GLIS1: variants seen among roughly 807,000 people sequenced by gnomAD.
GLIS1 encodes the protein zinc finger protein GLIS1.
A neutral mutation model predicts 63.8 loss-of-function variants in GLIS1; 24 were observed. The observed-to-expected ratio is 0.38, with a 90% CI of 0.27 to 0.53. The LOEUF (loss-of-function observed/expected upper bound fraction) is 0.53, where lower values mean the gene tolerates loss of function less well. Among genes scored for constraint, GLIS1 ranks in the 20% least tolerant of loss-of-function variants. GLIS1 has a pLI of 0.85. For missense variants in GLIS1, 1,036 were observed against 1,074.1 expected, an observed-to-expected ratio of 0.96 and a Z score of 0.50; for synonymous variants, 450 against 482.5, an observed-to-expected ratio of 0.93 and a Z score of 0.88.
chr1:53,586,680 G>A (rs1645138824), intron 4 of GLIS1, among the ~76,000 whole-genome samples: 1 of 152,156 alleles, frequency 6.6e-6, no homozygotes, highest in Non-Finnish European at 1.5e-5. Context: ...CTGAGGGGTG[G>A]CAAAGCTAGG....
chr1:53,700,077 ACT>A (rs1646506779), intron 2 of GLIS1, among the ~76,000 whole-genome samples: 2 of 152,120 alleles, frequency 1.3e-5, no homozygotes, highest in South Asian at 4.2e-4. Flanking sequence ...AGCTGGGATG[ACT>A]CTATCAGGGG....
intron 2 of GLIS1, among the ~76,000 whole-genome samples, chr1:53,644,802 T>G (rs2100302461): frequency 1.3e-5 from 2 of 152,332 alleles, no homozygotes; most frequent in South Asian, 4.1e-4. Context: ...AATTGCATCC[T>G]GAGTGCCACA....
chr1:53,707,563 T>A (rs187407750), intron 2 of GLIS1, among the ~76,000 whole-genome samples: 2 of 151,756 alleles, frequency 1.3e-5, no homozygotes, highest in African/African-American at 4.8e-5. Context: ...GGCAGGAGAA[T>A]CACTTGAACC....
chr1:53,725,898 A>C (rs765542029), intron 2 of GLIS1, among the ~76,000 whole-genome samples: 1 of 152,144 alleles, frequency 6.6e-6, no homozygotes, highest in Non-Finnish European at 1.5e-5. Context: ...AGAACTTCCC[A>C]AGAAGCCCCA....
chr1:53,506,484 G>T lies in GLIS1; in HGVS notation c.*135C>A. 1 of 923,154 alleles carries T rather than the reference G, an allele frequency of 1.1e-6. No individual in the cohort carries two copies. Among genetic ancestry groups the T allele is most frequent in the Non-Finnish European group, 1.6e-6 (1 of 616,166 alleles). The allele number at this position is 923,154 out of a possible 1,614,324, so 57.2% of individuals were successfully genotyped here. A position where few individuals can be genotyped will look rare whatever the true frequency, so the allele number is the denominator to read the frequency against. ...AGCGCTGGGTGGGGTGGCAGCGCTGGCTCCCCTGGGTCATGGCCTGGCTGT... is the reference window on the plus strand; with the variant it reads ...AGCGCTGGGTGGGGTGGCAGCGCTGTCTCCCCTGGGTCATGGCCTGGCTGT... On this transcript the variant is annotated 3_prime_UTR_variant, in exon 11 of 11. Transcript: ENST00000628545.
At chr1:53,631,151 GT>G (rs773311288) in intron 2 of GLIS1, among the ~76,000 whole-genome samples, 2 of 152,120 alleles carry the variant, frequency 1.3e-5, no homozygotes, top group Non-Finnish European at 2.9e-5. Flanking sequence ...AATCTAACGG[GT>G]TTTTTTAGTT....
Position 53,541,550 on chromosome 1 carries a change from G to C in GLIS1, c.1321-11598C>G, listed in dbSNP as rs964130536. Among the ~76,000 whole-genome samples the C allele has an allele frequency of 3.3e-5, 5 of 152,390 alleles. 1 individual carries two copies. The highest frequency in any genetic ancestry group is 4.4e-5 in the Non-Finnish European group (3 of 68,040). ...TCACAGTGGGCACTTAGTAAAGGTA[G>C]ATGGATAAAAACAGTGATGGCCTAG... On this transcript the variant is annotated intron_variant, in intron 4 of 10. Transcript: ENST00000628545.
At chr1:53,657,609 G>T (rs1450695963) in intron 2 of GLIS1, among the ~76,000 whole-genome samples, 1 of 152,130 alleles carries the variant, frequency 6.6e-6, no homozygotes, top group Non-Finnish European at 1.5e-5. Flanking sequence ...CATCCACAAG[G>T]CTATGTGGAG....
At chr1:53,553,475 C>T (rs2100410197) in intron 4 of GLIS1, among the ~76,000 whole-genome samples, 1 of 152,336 alleles carries the variant, frequency 6.6e-6, no homozygotes, top group South Asian at 2.1e-4. Flanking sequence ...ATTCTAGCTG[C>T]TGGTGACACA....
At chr1:53,564,756 T>A (rs960298647) in intron 4 of GLIS1, among the ~76,000 whole-genome samples, 3 of 152,114 alleles carry the variant, frequency 2.0e-5, no homozygotes, top group African/African-American at 7.2e-5. Context: ...AGGGATAGAT[T>A]GATTATCTAA....
Position 53,509,976 on chromosome 1 carries a change from C to T in GLIS1, c.1935G>A (p.Gly645=). Residue 645 remains glycine (G), a synonymous_variant, in exon 9 of 11, where the codon GGG becomes GGA. Transcript: ENST00000628545. ...SPIVSPLKGL[G]PPPLPPSSQS... ...GAGAGGATGGGGGCAGCGGCGGTGG[C>T]CCCAGCCCCTTCAGGGGGCTGACTA... 1 of 1,291,892 alleles carries T rather than the reference C, an allele frequency of 7.7e-7. No homozygotes were observed. The highest frequency in any genetic ancestry group is 3.4e-5 in the Admixed American group (1 of 29,600). The allele number at this position is 1,291,892 out of a possible 1,614,324, so 80.0% of individuals were successfully genotyped here.
chr1:53,732,300 G>A (rs558872892), intron 2 of GLIS1, among the ~76,000 whole-genome samples: 7 of 151,726 alleles, frequency 4.6e-5, no homozygotes, highest in Non-Finnish European at 1.0e-4. Flanking sequence ...GGTTAGGGTT[G>A]TATTCTCTCC....
chr1:53,695,986 G>A (rs1646461656), intron 2 of GLIS1, among the ~76,000 whole-genome samples: 1 of 152,204 alleles, frequency 6.6e-6, no homozygotes, highest in South Asian at 2.1e-4. Flanking sequence ...TCTTGAGAAT[G>A]CAGGCAGACT....
chr1:53,715,082 A>G, intron 2 of GLIS1, among the ~76,000 whole-genome samples: 1 of 152,172 alleles, frequency 6.6e-6, no homozygotes, highest in Non-Finnish European at 1.5e-5. Context: ...AGGTTCACTT[A>G]GTTTTTTTAT....
intron 2 of GLIS1, among the ~76,000 whole-genome samples, chr1:53,714,717 G>T (rs950730135): frequency 6.6e-6 from 1 of 152,132 alleles, no homozygotes. Context: ...GATGAATTAA[G>T]TGTGGCCCTG....
At chr1:53,655,430 C>T (rs1645954783) in intron 2 of GLIS1, among the ~76,000 whole-genome samples, 2 of 152,234 alleles carry the variant, frequency 1.3e-5, no homozygotes, top group South Asian at 4.2e-4. Context: ...GTTATATGGC[C>T]TTGGGGTGCA....
intron 2 of GLIS1, among the ~76,000 whole-genome samples, chr1:53,694,613 C>G (rs977777455): frequency 2.0e-5 from 3 of 152,232 alleles, no homozygotes; most frequent in Admixed American, 6.5e-5. Context: ...CCGCTGGGGT[C>G]CCAGCTCCAC....
chr1:53,634,824 G>A (rs1465489636), intron 2 of GLIS1, among the ~76,000 whole-genome samples: 2 of 152,130 alleles, frequency 1.3e-5, no homozygotes, highest in East Asian at 1.9e-4. Flanking sequence ...GGGTATGGAA[G>A]CCCACGAATA....
At chr1:53,678,032 G>A (rs1170137006) in intron 2 of GLIS1, among the ~76,000 whole-genome samples, 2 of 152,048 alleles carry the variant, frequency 1.3e-5, no homozygotes, top group African/African-American at 4.8e-5. Flanking sequence ...GCCCCCAAAC[G>A]TGGGATTCCT....
Sources: gnomAD v4.1 joint callset for allele counts (sites outside exome capture counted in the v4.1 genomes callset) on GRCh38, gnomAD v4.1.1 for gene constraint, MANE v1.5 for transcripts, NCBI Gene and HGNC (gene_info 2026-07-23, HGNC 2026-07-21) for gene names.